The following IMMP2L variants were observed in gnomAD, a reference collection of about 807,000 sequenced individuals.
The protein encoded by IMMP2L is mitochondrial inner membrane protease subunit 2.
In IMMP2L, 18 loss-of-function variants were observed where a neutral mutation model predicts 19.3. That is an observed-to-expected ratio of 0.93 (90% confidence interval 0.64 to 1.38). The LOEUF (loss-of-function observed/expected upper bound fraction) is 1.38, where lower values mean the gene tolerates loss of function less well. IMMP2L is among the 40% of genes most tolerant of loss of function. The probability of loss-of-function intolerance (pLI) is 0.00; values close to 1 mark genes in which losing one functional copy is unlikely to be tolerated. For synonymous variants in IMMP2L, 76 were observed against 73.0 expected, an observed-to-expected ratio of 1.04 and a Z score of -0.21; for missense variants, 233 against 218.2, an observed-to-expected ratio of 1.07 and a Z score of -0.43.
At chr7:111,309,915 C>A (rs1464400211) in intron 3 of IMMP2L, among the ~76,000 whole-genome samples, 4 of 151,986 alleles carry the variant, frequency 2.6e-5, no homozygotes, top group Admixed American at 6.6e-5. Context: ...ATTTCCTTTA[C>A]AATCCTATGC....
chr7:110,841,184 T>C (rs540025490), intron 5 of IMMP2L, among the ~76,000 whole-genome samples: 49 of 152,118 alleles, frequency 3.2e-4, no homozygotes, highest in Non-Finnish European at 5.4e-4. Context: ...ATTGTATACA[T>C]TTAAGGTGCA....
At chr7:110,759,624 AT>A (rs2130959873) in intron 5 of IMMP2L, among the ~76,000 whole-genome samples, 1 of 152,286 alleles carries the variant, frequency 6.6e-6, no homozygotes, top group Non-Finnish European at 1.5e-5. Flanking sequence ...AGGCTTTAAT[AT>A]TAAAAACAGA....
intron 3 of IMMP2L, among the ~76,000 whole-genome samples, chr7:111,048,732 T>G (rs1183965375): frequency 1.3e-5 from 2 of 152,192 alleles, no homozygotes; most frequent in Non-Finnish European, 2.9e-5. Context: ...TATTTGTGTT[T>G]CATAAAGACT....
At chr7:110,705,272 T>C (rs977474343) in intron 5 of IMMP2L, among the ~76,000 whole-genome samples, 12 of 151,936 alleles carry the variant, frequency 7.9e-5, no homozygotes, top group African/African-American at 2.7e-4. Context: ...AAGAGACTGA[T>C]AGTTTCTAGT....
At chr7:111,305,804 T>C (rs1483934999) in intron 3 of IMMP2L, among the ~76,000 whole-genome samples, 5 of 152,168 alleles carry the variant, frequency 3.3e-5, no homozygotes, top group Non-Finnish European at 7.4e-5. Flanking sequence ...ACACACTCCC[T>C]GTGAGAATGT....
chr7:111,503,765 C>T (rs1312548450), intron 2 of IMMP2L, among the ~76,000 whole-genome samples: 1 of 152,092 alleles, frequency 6.6e-6, no homozygotes. Context: ...TGACAAAATT[C>T]AACAACCCTT....
At chr7:111,396,812 C>T (rs1033057243) in intron 3 of IMMP2L, among the ~76,000 whole-genome samples, 53 of 151,990 alleles carry the variant, frequency 3.5e-4, no homozygotes, top group African/African-American at 1.3e-3. Flanking sequence ...TCACTGGGTG[C>T]GGTGGCTCAC....
chr7:110,840,643 G>A (rs1340522714), intron 5 of IMMP2L, among the ~76,000 whole-genome samples: 1 of 152,052 alleles, frequency 6.6e-6, no homozygotes, highest in Non-Finnish European at 1.5e-5. Context: ...TAGTATGAAA[G>A]TGTATTTAGA....
chr7:111,059,139 C>T (rs1563201704), intron 3 of IMMP2L, among the ~76,000 whole-genome samples: 1 of 152,064 alleles, frequency 6.6e-6, no homozygotes, highest in Non-Finnish European at 1.5e-5. Context: ...CCGGCCACCA[C>T]ATCCAGCTAA....
chr7:110,873,010 G>A lies in IMMP2L; in HGVS notation c.408+13583C>T, dbSNP rs1410189646. On this transcript the variant is annotated intron_variant, in intron 5 of 5. Transcript: ENST00000405709. ...AATGTTGTCTTTGGAGACAAGTGAA[G>A]TGACTTGTGATATTTGGGGGGAGCC... is the stretch of plus-strand genomic sequence containing the variant. Among the ~76,000 whole-genome samples, 4 of 152,190 alleles carry A rather than the reference G, an allele frequency of 2.6e-5. No individual in the cohort carries two copies. In the East Asian group the frequency reaches 7.7e-4, roughly 29 times the overall value.
intron 3 of IMMP2L, among the ~76,000 whole-genome samples, chr7:111,413,827 G>A (rs1165228270): frequency 6.6e-6 from 1 of 151,700 alleles, no homozygotes; most frequent in African/African-American, 2.4e-5. Flanking sequence ...TTTGTTAGCA[G>A]AGGGTGCTGG....
At chr7:111,133,606 G>GA (rs1251070953) in intron 3 of IMMP2L, among the ~76,000 whole-genome samples, 1 of 151,780 alleles carries the variant, frequency 6.6e-6, no homozygotes, top group East Asian at 1.9e-4. Flanking sequence ...AATATCCTAG[G>GA]AAAAAAATGA....
intron 3 of IMMP2L, among the ~76,000 whole-genome samples, chr7:111,034,644 T>A (rs1791155987): frequency 6.6e-6 from 1 of 152,154 alleles, no homozygotes; most frequent in African/African-American, 2.4e-5. Flanking sequence ...ATCTAGGGAT[T>A]AAGTTTGTAC....
chr7:110,714,004 C>T (rs1328076211), intron 5 of IMMP2L, among the ~76,000 whole-genome samples: 1 of 152,104 alleles, frequency 6.6e-6, no homozygotes, highest in Non-Finnish European at 1.5e-5. Flanking sequence ...TGTCTTGTTC[C>T]ATTTCTCAAG....
At chr7:111,179,911 C>T (rs138465179) in intron 3 of IMMP2L, among the ~76,000 whole-genome samples, 76 of 151,958 alleles carry the variant, frequency 5.0e-4, no homozygotes, top group African/African-American at 1.6e-3. Context: ...CAGGAATGAA[C>T]TAACTTTTGC....
intron 5 of IMMP2L, among the ~76,000 whole-genome samples, chr7:110,676,072 ATGAAGGC>A (rs1270640327): frequency 6.6e-6 from 1 of 152,064 alleles, no homozygotes; most frequent in East Asian, 1.9e-4. Context: ...AAGTAACATG[ATGAAGGC>A]TGTAAGGCTA....
chr7:111,202,746 C>A (rs141959183), intron 3 of IMMP2L, among the ~76,000 whole-genome samples: 167 of 152,192 alleles, frequency 1.1e-3, no homozygotes, highest in Non-Finnish European at 1.7e-3. Flanking sequence ...CAACTTTACA[C>A]TATGAACTCT....
intron 5 of IMMP2L, among the ~76,000 whole-genome samples, chr7:110,670,419 G>A (rs746127530): frequency 1.3e-5 from 2 of 152,206 alleles, no homozygotes; most frequent in Non-Finnish European, 1.5e-5. Flanking sequence ...GCCGGGTGTG[G>A]TGGCTCAAGC....
intron 3 of IMMP2L, among the ~76,000 whole-genome samples, chr7:111,052,381 C>T (rs925671930): frequency 2.6e-5 from 4 of 152,170 alleles, no homozygotes; most frequent in Middle Eastern, 3.2e-3. Flanking sequence ...TCTTCACTTC[C>T]ACCATCCCCT....
Sources: allele counts gnomAD v4.1 joint callset (sites outside exome capture counted in the v4.1 genomes callset), GRCh38; gene constraint gnomAD v4.1.1; transcripts MANE v1.5; gene names NCBI Gene and HGNC (gene_info 2026-07-23, HGNC 2026-07-21).